Variants in PANK3 observed in about 807,000 individuals in gnomAD.
PANK3 encodes hPanK3.
PANK3 carries 20 observed loss-of-function variants against 39.4 expected under a neutral mutation model. That is an observed-to-expected ratio of 0.51 (90% confidence interval 0.36 to 0.74). PANK3 has a LOEUF of 0.74. Among genes scored for constraint, PANK3 ranks in the 30% least tolerant of loss-of-function variants. PANK3 has a pLI of 0.00. For missense variants in PANK3, 265 were observed against 437.0 expected (o/e 0.61, Z 3.51); for synonymous variants, 140 against 157.3 (o/e 0.89, Z 0.82).
chr5:168,577,484 C>A (rs923613421), intron 1 of PANK3, among the ~76,000 whole-genome samples: 1 of 152,126 alleles, frequency 6.6e-6, no homozygotes, highest in Admixed American at 6.5e-5. Context: ...CAGGCGTGTG[C>A]CACCATGCCC....
rs1759273394 is a variant in PANK3 at position 168,551,696 on chromosome 5, C to T, written c.*5875G>A. On this transcript the variant is annotated 3_prime_UTR_variant, in exon 7 of 7. Coordinates refer to ENST00000239231, the MANE Select transcript of PANK3 (RefSeq NM_024594.4). The stretch of plus-strand genomic sequence containing the variant: ...AAAACCTTTCCACTTTGTGCTGCAT[C>T]ATTCTGCTTATAGAAACAGTCTTTA... The T allele has an allele frequency of 6.6e-6, 1 of 152,112 alleles. No individual in the cohort carries two copies. Among genetic ancestry groups the T allele is most frequent in the Non-Finnish European group, 1.5e-5 (1 of 68,012 alleles). 9.4% of individuals were successfully genotyped at this position (152,112 alleles called of 1,614,324 possible).
At chr5:168,561,588 T>G in intron 4 of PANK3, 72 bp from the exon 5 acceptor site, 3 of 1,238,876 alleles carry the variant, frequency 2.4e-6, no homozygotes, top group Non-Finnish European at 3.2e-6. Context: ...CAGATATATC[T>G]ACAACCTGGA....
chr5:168,551,255 T>G lies in PANK3; in HGVS notation c.*6316A>C, dbSNP rs764355833. 1 of 152,198 alleles carries G rather than the reference T, an allele frequency of 6.6e-6. No individual in the cohort carries two copies. The highest frequency in any genetic ancestry group is 1.5e-5 in the Non-Finnish European group (1 of 68,018). The allele number at this position is 152,198 out of a possible 1,614,324, so 9.4% of individuals were successfully genotyped here. On this transcript the variant is annotated 3_prime_UTR_variant, in exon 7 of 7. Transcript: ENST00000239231. ...AAAGTTGGCTGAATTCCTTAGGTAT[T>G]AGAATAAACATAAACTTGATCATGG... is the stretch of plus-strand genomic sequence containing the variant.
Position 168,561,418 on chromosome 5 carries a change from A to G in PANK3, c.911T>C (p.Val304Ala), listed in dbSNP as rs761461701. The change falls in exon 5 of 7, where the codon GTG becomes GCG. Residue 304 changes from valine (V) to alanine (A), a missense_variant. Around this residue, in one of 3 missense-constraint regions of PANK3, gnomAD observed 110 missense variants for 161.2 expected, o/e 0.68. Coordinates refer to ENST00000239231, the MANE Select transcript of PANK3 (RefSeq NM_024594.4). Reference protein sequence around the residue: ...LVTITNNIGSVARMCAVNEKI... With the variant: ...LVTITNNIGSAARMCAVNEKI... The stretch of plus-strand genomic sequence containing the variant: ...CTCATTAACAGCACACATTCGTGCC[A>G]CAGAACCAATGTTATTGGTGATAGT... 6.3e-7 allele frequency: 1 copy of G among 1,590,834 alleles called. No homozygotes were observed. Among genetic ancestry groups the G allele is most frequent in the South Asian group, 1.2e-5 (1 of 86,612 alleles).
At chr5:168,567,474 T>C (rs186946803) in intron 2 of PANK3, among the ~76,000 whole-genome samples, 2 of 152,322 alleles carry the variant, frequency 1.3e-5, no homozygotes, top group Admixed American at 1.3e-4. Context: ...TATAAAACAT[T>C]GCAGCTTAGA....
In PANK3 at chr5:168,566,221, C is replaced by A; in HGVS notation, c.427G>T (p.Val143Leu). ...GAGTCTATATACAGCAAGCCCTTTA[C>A]AAGGCAGTCAAGTTCATCCAGTTTG... ...LHKLDELDCL[V>L]KGLLYIDSVS... The change falls in exon 3 of 7, where the codon GTA (valine) becomes TTA (leucine). Residue 143 changes from valine to leucine, a missense_variant. Around this residue, in one of 3 missense-constraint regions of PANK3, gnomAD observed 154 missense variants for 256.8 expected, o/e 0.60. Coordinates refer to ENST00000239231, the MANE Select transcript of PANK3 (RefSeq NM_024594.4). The A allele has an allele frequency of 6.2e-7, 1 of 1,611,960 alleles. No individual in the cohort carries two copies. The highest frequency in any genetic ancestry group is 8.5e-7 in the Non-Finnish European group (1 of 1,178,314).
chr5:168,576,993 C>T (rs1303610347), intron 1 of PANK3, among the ~76,000 whole-genome samples: 1 of 151,956 alleles, frequency 6.6e-6, no homozygotes, highest in African/African-American at 2.4e-5. Context: ...AATTCTCCTG[C>T]CTCAAGCCTC....
chr5:168,559,131 T>C lies in PANK3; in HGVS notation c.963A>G (p.Gly321=). The change falls in exon 6 of 7, where the codon GGA becomes GGG. Residue 321 remains glycine, a synonymous_variant. Transcript: ENST00000239231. ...AGAGGGTATTGACACGTAAAAAGTTTCCAACAAAGACAACTCTGTTTATTT... is the reference window on the plus strand; with the variant it reads ...AGAGGGTATTGACACGTAAAAAGTTCCCAACAAAGACAACTCTGTTTATTT... ...NEKINRVVFV[G]NFLRVNTLSM... is the part of the protein sequence containing the mutation. 1 of 1,563,662 alleles carries C rather than the reference T, an allele frequency of 6.4e-7. No individual in the cohort carries two copies. The highest frequency in any genetic ancestry group is 8.7e-7 in the Non-Finnish European group (1 of 1,145,928).
At chr5:168,561,957 A>AGAAAT (rs756797335) in intron 4 of PANK3, among the ~76,000 whole-genome samples, 104 of 152,338 alleles carry the variant, frequency 6.8e-4, no homozygotes, top group Non-Finnish European at 1.3e-3. Flanking sequence ...ACTGTCCAAT[A>AGAAAT]GAAATAAAAT....
Position 168,568,835 on chromosome 5 carries a change from C to G in PANK3, c.192G>C (p.Arg64=). ...AATCTTTCAGTTCAAGGTGTACATC[C>G]CGAATGCCGGTGGATCCATATGCCA... ...SNVAYGSTGI[R]DVHLELKDLT... is the part of the protein sequence containing the mutation. Residue 64 remains arginine, a synonymous_variant, in exon 2 of 7, where the codon CGG becomes CGC. Transcript: ENST00000239231. 1 of 1,613,696 alleles carries G rather than the reference C, an allele frequency of 6.2e-7. No homozygotes were observed.
intron 1 of PANK3, 39 bp downstream of exon 1, chr5:168,579,217 G>A: frequency 2.0e-6 from 3 of 1,482,034 alleles, no homozygotes; most frequent in South Asian, 1.3e-5. Context: ...GGGCCCAAGG[G>A]TGCCCTCCCA....
At chr5:168,569,828 G>T (rs976483844) in intron 1 of PANK3, among the ~76,000 whole-genome samples, 1 of 152,000 alleles carries the variant, frequency 6.6e-6, no homozygotes, top group Non-Finnish European at 1.5e-5. Context: ...AGGTAGGGGG[G>T]ATCGCTTGAA....
chr5:168,561,616 G>T (rs1314835052), intron 4 of PANK3, 100 bp from the exon 5 acceptor site: 23 of 1,071,216 alleles, frequency 2.1e-5, no homozygotes, highest in East Asian at 6.0e-5. Context: ...ATAAAATTAG[G>T]ACCAAAAAGT....
intron 1 of PANK3, among the ~76,000 whole-genome samples, chr5:168,573,440 A>AAAAAAAAAAAAAAAAAAAAAAAC (rs1759679755): frequency 7.0e-6 from 1 of 142,180 alleles, no homozygotes; most frequent in Non-Finnish European, 1.5e-5. Context: ...AAAAAAAAAA[A>AAAAAAAAAAAAAAAAAAAAAAAC]AAAAAAGGCA....
chr5:168,579,309 G>C lies in PANK3; in HGVS notation c.-26C>G. The C allele has an allele frequency of 2.7e-6, 4 of 1,470,436 alleles. No individual in the cohort carries two copies. Among genetic ancestry groups the C allele is most frequent in the East Asian group, 2.7e-5 (1 of 36,638 alleles). 91.1% of individuals were successfully genotyped at this position (1,470,436 alleles called of 1,614,324 possible). A position where few individuals can be genotyped will look rare whatever the true frequency, so the allele number is the denominator to read the frequency against. ...GGCGTCGGCCCGAGGGGCGATGGACGGCCTCCGATCCGGGGCACTGAGAGC... is the reference window on the plus strand; with the variant it reads ...GGCGTCGGCCCGAGGGGCGATGGACCGCCTCCGATCCGGGGCACTGAGAGC... On this transcript the variant is annotated 5_prime_UTR_variant, in exon 1 of 7. Coordinates refer to ENST00000239231, the MANE Select transcript of PANK3 (RefSeq NM_024594.4).
intron 1 of PANK3, among the ~76,000 whole-genome samples, chr5:168,576,488 CT>C (rs1759732762): frequency 6.6e-6 from 1 of 152,196 alleles, no homozygotes; most frequent in Non-Finnish European, 1.5e-5. Context: ...CTTCCTTCCC[CT>C]GGCGTTGAAT....
chr5:168,569,004 G>GTT lies in PANK3; in HGVS notation c.29-7_29-6insAA. On this transcript the variant is annotated splice_polypyrimidine_tract_variant and splice_region_variant and intron_variant, in intron 1 of 6. Coordinates refer to ENST00000239231, the MANE Select transcript of PANK3 (RefSeq NM_024594.4). Reference sequence around the variant, plus strand: ...CATGCCAAACCATGGGAAAGCTATGGGAGGAAAAAAAAAAAAAAAAAAAAA... The same window carrying GTT: ...CATGCCAAACCATGGGAAAGCTATGGTTGAGGAAAAAAAAAAAAAAAAAAAAA... 1.6e-6 allele frequency: 1 copy of GTT among 625,542 alleles called. No homozygotes were observed. The highest frequency in any genetic ancestry group is 2.1e-6 in the Non-Finnish European group (1 of 467,890). 38.7% of individuals were successfully genotyped at this position (625,542 alleles called of 1,614,324 possible).
intron 1 of PANK3, among the ~76,000 whole-genome samples, chr5:168,573,763 C>T (rs1054215556): frequency 9.6e-5 from 14 of 146,594 alleles, no homozygotes; most frequent in African/African-American, 1.3e-4. Flanking sequence ...TGAGAATATG[C>T]GGTGTTTGGT....
In PANK3 at chr5:168,563,782, A is replaced by G. The variant is rs566437306; in HGVS notation, c.812+107T>C. On this transcript the variant is annotated intron_variant, in intron 4 of 6. Coordinates refer to ENST00000239231, the MANE Select transcript of PANK3 (RefSeq NM_024594.4). ...GTTCAAAACTTGGAACCTAAACTGG[A>G]TAAGAGAAAGCACCCTTACAACTTT... 1,782 of 987,382 alleles carry G rather than the reference A, an allele frequency of 1.8e-3. 9 individuals carry two copies. Among genetic ancestry groups the G allele is most frequent in the Non-Finnish European group, 2.2e-3 (1,534 of 698,850 alleles). 61.2% of individuals were successfully genotyped at this position (987,382 alleles called of 1,614,324 possible).
Sources: gnomAD v4.1 joint callset for allele counts (sites outside exome capture counted in the v4.1 genomes callset) on GRCh38, gnomAD v4.1.1 for gene constraint, gnomAD v4.1.1 regional missense constraint, MANE v1.5 for transcripts, NCBI Gene and HGNC (gene_info 2026-07-23, HGNC 2026-07-21) for gene names.